HIVEP3: variants seen among roughly 807,000 people sequenced by gnomAD.
The protein encoded by HIVEP3 is transcription factor HIVEP3.
A neutral mutation model predicts 152.8 loss-of-function variants in HIVEP3; 49 were observed. The observed-to-expected ratio is 0.32, with a 90% CI of 0.26 to 0.41. The LOEUF is 0.41. HIVEP3 is among the 10% of genes least tolerant of loss of function. The probability of loss-of-function intolerance (pLI) is 1.00; values close to 1 mark genes in which losing one functional copy is unlikely to be tolerated. For missense variants in HIVEP3, 2,790 were observed against 3,103.3 expected, an observed-to-expected ratio of 0.90 and a Z score of 2.40; for synonymous variants, 1,269 against 1,289.0, an observed-to-expected ratio of 0.98 and a Z score of 0.33.
chr1:41,990,377 A>G (rs922046673), intron 1 of HIVEP3, among the ~76,000 whole-genome samples: 8 of 151,858 alleles, frequency 5.3e-5, no homozygotes, highest in Non-Finnish European at 1.0e-4. Context: ...CAGACTTTAA[A>G]CCAACAAAGA....
chr1:41,511,059 C>A lies in HIVEP3; in HGVS notation c.6613G>T (p.Ala2205Ser). The part of the protein sequence containing the change: ...IPIGGIQMVQ[A>S]RPGAHPTLLP... ...AGGGTGGGGTGGGCTCCTGGCCGGG[C>A]CTGCACCATCTGGATCCCACCGATG... Residue 2205 changes from alanine to serine, a missense_variant, in exon 9 of 9, where the codon GCC (alanine) becomes TCC (serine). Transcript: ENST00000372583. The surrounding 1 kb of genome is among the most constrained non-coding windows in gnomAD (Gnocchi z 4.9). 2 of 1,614,056 alleles carry A rather than the reference C, an allele frequency of 1.2e-6. No homozygotes were observed. Among genetic ancestry groups the A allele is most frequent in the Non-Finnish European group, 1.7e-6 (2 of 1,180,002 alleles).
intron 1 of HIVEP3, among the ~76,000 whole-genome samples, chr1:42,032,575 TCTCTC>T (rs1316039777): frequency 6.6e-6 from 1 of 152,092 alleles, no homozygotes; most frequent in Non-Finnish European, 1.5e-5. Context: ...TTCAAAACTG[TCTCTC>T]CTCTCCACCC....
chr1:41,955,139 G>C (rs1645133451), intron 1 of HIVEP3, among the ~76,000 whole-genome samples: 1 of 152,056 alleles, frequency 6.6e-6, no homozygotes, highest in African/African-American at 2.4e-5. Context: ...TATCAGCCAG[G>C]TACTACAATG....
intron 2 of HIVEP3, among the ~76,000 whole-genome samples, chr1:41,644,693 C>T (rs77649501): frequency 4.5e-3 from 333 of 74,708 alleles, no homozygotes; most frequent in Admixed American, 7.4e-3. Context: ...CATATCTGTT[C>T]TTTTTTTTTT....
At chr1:41,526,308 C>A (rs1333050690) in intron 5 of HIVEP3, among the ~76,000 whole-genome samples, 1 of 149,142 alleles carries the variant, frequency 6.7e-6, no homozygotes, top group East Asian at 2.0e-4. Context: ...CACACTCACC[C>A]TCACACGCTC....
intron 1 of HIVEP3, among the ~76,000 whole-genome samples, chr1:41,993,086 T>C (rs1356722364): frequency 6.6e-6 from 1 of 150,870 alleles, no homozygotes; most frequent in Admixed American, 6.6e-5. Flanking sequence ...GACATAGGCA[T>C]GGGCAAGGAC....
chr1:41,554,428 C>T (rs1048620062), intron 5 of HIVEP3, among the ~76,000 whole-genome samples: 8 of 152,170 alleles, frequency 5.3e-5, no homozygotes, highest in African/African-American at 1.4e-4. Context: ...GCGATGGGTT[C>T]GAACATTCTC....
chr1:41,637,490 G>C (rs554719648), intron 2 of HIVEP3, among the ~76,000 whole-genome samples: 1 of 152,104 alleles, frequency 6.6e-6, no homozygotes. Context: ...TGCCACTTCT[G>C]CCCCCATTTT....
chr1:41,888,077 C>T lies in HIVEP3; in HGVS notation c.-801+30336G>A, dbSNP rs192759322. Among the ~76,000 whole-genome samples the T allele has an allele frequency of 3.4e-4, 51 of 149,906 alleles. No homozygotes were observed. In the East Asian group the frequency reaches 9.0e-3, roughly 26 times the overall value. ...TTTTTTGAGACTGAGTCTCTGTCGC[C>T]CAGGCTGGAGTGCAGTGGCGTGATC... is the stretch of plus-strand genomic sequence containing the variant. On this transcript the variant is annotated intron_variant, in intron 1 of 8. Coordinates refer to ENST00000372583, the MANE Select transcript of HIVEP3 (RefSeq NM_024503.5).
At chr1:41,752,148 ATCT>A (rs1489412619) in intron 1 of HIVEP3, among the ~76,000 whole-genome samples, 1 of 152,164 alleles carries the variant, frequency 6.6e-6, no homozygotes, top group Non-Finnish European at 1.5e-5. Flanking sequence ...ATTTCCGAAA[ATCT>A]TCTTGATGAC....
intron 1 of HIVEP3, among the ~76,000 whole-genome samples, chr1:41,707,932 G>A (rs1414043421): frequency 6.6e-6 from 1 of 152,246 alleles, no homozygotes; most frequent in Non-Finnish European, 1.5e-5. Flanking sequence ...GAGTCAGTAA[G>A]CCTGGGGTTT....
At chr1:41,692,249 G>A (rs917253064) in intron 2 of HIVEP3, among the ~76,000 whole-genome samples, 1 of 152,208 alleles carries the variant, frequency 6.6e-6, no homozygotes, top group African/African-American at 2.4e-5. Flanking sequence ...AAGTGTCCAC[G>A]AAAAGGACAC....
In HIVEP3 at chr1:41,584,838, G is replaced by A. The variant is rs1300780678; in HGVS notation, c.-41C>T. ...TTCAGATGCTATTCAGGGAGAGTCA[G>A]GGCGGGCTGCATTTATGAATAATCC... On this transcript the variant is annotated 5_prime_UTR_variant, in exon 4 of 9. Transcript: ENST00000372583. This position sits in a 1 kb window ranked among gnomAD's most constrained non-coding sequence, Gnocchi z 5.2. The A allele has an allele frequency of 1.4e-6, 2 of 1,445,900 alleles. No individual in the cohort carries two copies. The highest frequency in any genetic ancestry group is 5.0e-5 in the Admixed American group (2 of 40,340). 89.6% of individuals were successfully genotyped at this position (1,445,900 alleles called of 1,614,324 possible). A position where few individuals can be genotyped will look rare whatever the true frequency, so the allele number is the denominator to read the frequency against.
chr1:41,957,263 T>G (rs148218714), intron 1 of HIVEP3, among the ~76,000 whole-genome samples: 6 of 152,348 alleles, frequency 3.9e-5, no homozygotes, highest in African/African-American at 1.4e-4. Context: ...AAACTTCATT[T>G]TATCAAATAA....
At chr1:41,634,458 G>T (rs1054086349) in intron 2 of HIVEP3, among the ~76,000 whole-genome samples, 1 of 151,358 alleles carries the variant, frequency 6.6e-6, no homozygotes, top group Admixed American at 6.6e-5. Context: ...AGTGGGAAAA[G>T]AAAAATTAAA....
intron 2 of HIVEP3, among the ~76,000 whole-genome samples, chr1:41,673,526 C>T (rs934525505): frequency 2.0e-5 from 3 of 152,170 alleles, no homozygotes; most frequent in Admixed American, 6.5e-5. Flanking sequence ...CACCAGACCA[C>T]GACCTGGATT....
In HIVEP3 at chr1:41,584,313, T is replaced by C. The variant is rs776246469; in HGVS notation, c.485A>G (p.Lys162Arg). ...IPPEDLPGVP[K>R]VFVPRPSQVS... ...CTGGGAAGGACGAGGCACGAAGACT[T>C]TGGGGACTCCAGGAAGGTCCTCGGG... is the stretch of plus-strand genomic sequence containing the variant. Residue 162 changes from lysine to arginine, a missense_variant, in exon 4 of 9, where the codon AAA becomes AGA. Lys to Arg is a conservative substitution (Grantham distance 26). Coordinates refer to ENST00000372583, the MANE Select transcript of HIVEP3 (RefSeq NM_024503.5). This position sits in a 1 kb window ranked among gnomAD's most constrained non-coding sequence, Gnocchi z 5.2. 25 of 1,613,712 alleles carry C rather than the reference T, an allele frequency of 1.5e-5. No homozygotes were observed. The East Asian group carries it at 3.1e-4, about 20-fold the overall frequency.
chr1:42,002,397 C>T (rs1645433277), intron 1 of HIVEP3, among the ~76,000 whole-genome samples: 1 of 152,132 alleles, frequency 6.6e-6, no homozygotes, highest in African/African-American at 2.4e-5. Context: ...AGAGTGCAAA[C>T]AACACCACTC....
In HIVEP3 at chr1:41,896,991, C is replaced by T. The variant is rs138638242; in HGVS notation, c.-801+21422G>A. Among the ~76,000 whole-genome samples the T allele has an allele frequency of 3.3e-3, 503 of 152,046 alleles. 1 individual carries two copies. Among genetic ancestry groups the T allele is most frequent in the Non-Finnish European group, 4.6e-3 (316 of 67,984 alleles). On this transcript the variant is annotated intron_variant, in intron 1 of 8. Transcript: ENST00000372583. ...ATCCTGACAGCAGTCATGGAGCGCT[C>T]GTTAAAGAAAAAAATGATTCAATGG...
Sources: gnomAD v4.1 joint callset for allele counts (sites outside exome capture counted in the v4.1 genomes callset) on GRCh38, gnomAD v4.1.1 for gene constraint, Gnocchi (gnomAD v3.1) non-coding constraint, MANE v1.5 for transcripts, NCBI Gene and HGNC (gene_info 2026-07-23, HGNC 2026-07-21) for gene names.